The following ISX variants were observed in gnomAD, a reference collection of about 807,000 sequenced individuals.
ISX encodes intestine specific homeobox, also known as intestine-specific homeobox.
In ISX, 15 loss-of-function variants were observed where a neutral mutation model predicts 16.9. That is an observed-to-expected ratio of 0.89 (90% CI 0.59 to 1.36). The LOEUF is 1.36. ISX is among the 40% of genes most tolerant of loss of function. The probability of loss-of-function intolerance (pLI) is 0.00; values close to 1 mark genes in which losing one functional copy is unlikely to be tolerated. For missense variants in ISX, 316 were observed against 306.1 expected (o/e 1.03, Z -0.24); for synonymous variants, 125 against 119.7 (o/e 1.04, Z -0.29).
rs146078620 is a variant in ISX, at chr22:35,084,973, G to A, written c.498+474G>A. On this transcript the variant is annotated intron_variant, in intron 4 of 4. Transcript: ENST00000404699. Reference sequence around the variant, plus strand: ...TTAGCACCTAGGAAGTGCTCCCTAAGTATTTAGGGAGCCATTCATGGAGAC... The same window carrying A: ...TTAGCACCTAGGAAGTGCTCCCTAAATATTTAGGGAGCCATTCATGGAGAC... Among the ~76,000 whole-genome samples the A allele has an allele frequency of 2.5e-3, 382 of 152,178 alleles. 4 individuals carry two copies. Among genetic ancestry groups the A allele is most frequent in the African/African-American group, 8.1e-3 (336 of 41,508 alleles).
intron 2 of ISX, among the ~76,000 whole-genome samples, chr22:35,074,455 T>G (rs1928931253): frequency 6.6e-6 from 1 of 152,228 alleles, no homozygotes; most frequent in Non-Finnish European, 1.5e-5. Flanking sequence ...TCTCCATATA[T>G]GGAAACCTCA....
At chr22:35,070,735 C>T (rs753109384) in intron 2 of ISX, among the ~76,000 whole-genome samples, 15 of 152,248 alleles carry the variant, frequency 9.9e-5, no homozygotes, top group Non-Finnish European at 2.1e-4. Context: ...GGCAGTGCCA[C>T]CTTGGGGCAG....
At chr22:35,083,573 T>C (rs570216482) in intron 3 of ISX, among the ~76,000 whole-genome samples, 8 of 152,398 alleles carry the variant, frequency 5.2e-5, no homozygotes, top group Middle Eastern at 3.4e-3. Context: ...GATCTCACTG[T>C]GGCACCGTTA....
At chr22:35,070,487 C>A (rs1928819884) in intron 2 of ISX, among the ~76,000 whole-genome samples, 2 of 152,158 alleles carry the variant, frequency 1.3e-5, no homozygotes, top group Admixed American at 1.3e-4. Flanking sequence ...ATCATAGGCC[C>A]CAGGCGAAAG....
Position 35,084,478 on chromosome 22 carries a change from G to A in ISX, c.477G>A (p.Leu159=). ...PQQLSEASVA[L]PTNLDVAGPT... ...AGCTGAGTGAAGCCAGTGTGGCCCT[G>A]CCCACAAATCTGGATGTGGCTGTAA... Residue 159 remains leucine, a synonymous_variant, in exon 4 of 5, where the codon CTG becomes CTA. Coordinates refer to ENST00000404699, the MANE Select transcript of ISX (RefSeq NM_001303508.2). The A allele has an allele frequency of 6.2e-7, 1 of 1,612,196 alleles. No homozygotes were observed. The highest frequency in any genetic ancestry group is 1.1e-5 in the South Asian group (1 of 90,718).
At chr22:35,082,177 T>C (rs757941984) in intron 2 of ISX, among the ~76,000 whole-genome samples, 12 of 152,234 alleles carry the variant, frequency 7.9e-5, no homozygotes, top group Non-Finnish European at 1.8e-4. Context: ...AAACTTTATT[T>C]AAAGACAGAC....
intron 2 of ISX, among the ~76,000 whole-genome samples, chr22:35,072,516 A>T (rs1269534040): frequency 6.6e-6 from 1 of 152,114 alleles, no homozygotes; most frequent in Non-Finnish European, 1.5e-5. Context: ...CTAAAGACAA[A>T]CCCTGGCAGT....
Position 35,080,692 on chromosome 22 carries a change from A to G in ISX, c.230-1826A>G, listed in dbSNP as rs538003147. 2.0e-5 allele frequency among the ~76,000 whole-genome samples: 3 copies of G among 151,666 alleles called. No homozygotes were observed. In the South Asian group the frequency reaches 6.3e-4, roughly 32 times the overall value. Reference sequence around the variant, plus strand: ...GGGTTTGATTCTCTTTCCTAGTTGTATAAAGAAAAATGTCCAGGATGAATT... The same window carrying G: ...GGGTTTGATTCTCTTTCCTAGTTGTGTAAAGAAAAATGTCCAGGATGAATT... On this transcript the variant is annotated intron_variant, in intron 2 of 4. Coordinates refer to ENST00000404699, the MANE Select transcript of ISX (RefSeq NM_001303508.2).
At chr22:35,068,879 C>T (rs1928775344) in intron 2 of ISX, among the ~76,000 whole-genome samples, 1 of 152,188 alleles carries the variant, frequency 6.6e-6, no homozygotes, top group African/African-American at 2.4e-5. Flanking sequence ...ATGATGAAAC[C>T]AAGAAGAGAA....
At chr22:35,078,490 G>T (rs1418527009) in intron 2 of ISX, among the ~76,000 whole-genome samples, 1 of 152,026 alleles carries the variant, frequency 6.6e-6, no homozygotes, top group Non-Finnish European at 1.5e-5. Context: ...AGTTAAAAAG[G>T]CAGTGTGGAC....
chr22:35,067,943 G>C (rs1248384464), intron 2 of ISX, among the ~76,000 whole-genome samples: 1 of 152,206 alleles, frequency 6.6e-6, no homozygotes, highest in Non-Finnish European at 1.5e-5. Flanking sequence ...AGATAACAGT[G>C]ACCAGGTAGA....
intron 2 of ISX, among the ~76,000 whole-genome samples, chr22:35,072,697 T>A (rs1174141676): frequency 6.6e-6 from 1 of 152,180 alleles, no homozygotes; most frequent in Non-Finnish European, 1.5e-5. Flanking sequence ...ACTGTATTAT[T>A]TATCCAGACA....
chr22:35,083,419 C>T (rs1188517426), intron 3 of ISX, among the ~76,000 whole-genome samples: 1 of 152,198 alleles, frequency 6.6e-6, no homozygotes, highest in East Asian at 1.9e-4. Flanking sequence ...GCTAATCTCT[C>T]ATCTGTGATC....
chr22:35,073,060 G>A (rs986449941), intron 2 of ISX, among the ~76,000 whole-genome samples: 1 of 152,208 alleles, frequency 6.6e-6, no homozygotes, highest in South Asian at 2.1e-4. Flanking sequence ...CTCACAAAAT[G>A]ACAGATAGCC....
intron 2 of ISX, among the ~76,000 whole-genome samples, chr22:35,078,352 T>A (rs1340102301): frequency 6.6e-6 from 1 of 152,112 alleles, no homozygotes; most frequent in Non-Finnish European, 1.5e-5. Flanking sequence ...TGACATTCAC[T>A]GAGCTCTTGG....
rs1601563459 is a variant in ISX at position 35,087,193 on chromosome 22, A to G, written c.*1500A>G. The G allele has an allele frequency of 6.6e-6, 1 of 152,214 alleles. No individual in the cohort carries two copies. The allele number at this position is 152,214 out of a possible 1,614,324, so 9.4% of individuals were successfully genotyped here. Reference sequence around the variant, plus strand: ...TGCTTTGCCATCTTAAAAATGCCAGATCACTCAGAGCCTATGAATGTGGAT... The same window carrying G: ...TGCTTTGCCATCTTAAAAATGCCAGGTCACTCAGAGCCTATGAATGTGGAT... On this transcript the variant is annotated 3_prime_UTR_variant, in exon 5 of 5. Coordinates refer to ENST00000404699, the MANE Select transcript of ISX (RefSeq NM_001303508.2).
intron 2 of ISX, among the ~76,000 whole-genome samples, chr22:35,070,534 G>C (rs1030482012): frequency 6.6e-6 from 1 of 152,232 alleles, no homozygotes; most frequent in East Asian, 1.9e-4. Context: ...GACCACCCCA[G>C]TGGGTAAACC....
chr22:35,067,446 C>T (rs897605746), intron 2 of ISX, 130 bp downstream of exon 2: 12 of 667,370 alleles, frequency 1.8e-5, no homozygotes, highest in Non-Finnish European at 2.3e-5. Flanking sequence ...AGACCTGGCT[C>T]TGGGCTGGTT....
intron 2 of ISX, among the ~76,000 whole-genome samples, chr22:35,072,449 A>C (rs1039802977): frequency 1.3e-5 from 2 of 152,252 alleles, no homozygotes; most frequent in African/African-American, 2.4e-5. Context: ...ACTGAAGCTC[A>C]AATCCTTTGG....
Sources: allele counts gnomAD v4.1 joint callset (sites outside exome capture counted in the v4.1 genomes callset), GRCh38; gene constraint gnomAD v4.1.1; transcripts MANE v1.5; gene names NCBI Gene and HGNC (gene_info 2026-07-23, HGNC 2026-07-21).